The following SNTG1 variants were observed in gnomAD, a reference collection of about 807,000 sequenced individuals.
SNTG1 encodes syntrophin gamma 1.
Under a neutral mutation model 74.7 loss-of-function variants are expected in SNTG1, and 39 were observed. That is an observed-to-expected ratio of 0.52 (90% CI 0.40 to 0.68). The LOEUF is 0.68. Among genes scored for constraint, SNTG1 ranks in the 30% least tolerant of loss-of-function variants. SNTG1 has a pLI of 0.00. For synonymous variants in SNTG1, 254 were observed against 217.1 expected (o/e 1.17, Z -1.49); for missense variants, 685 against 609.5 (o/e 1.12, Z -1.30).
At chr8:50,437,288 A>G (rs1049540151) in intron 4 of SNTG1, among the ~76,000 whole-genome samples, 1 of 152,174 alleles carries the variant, frequency 6.6e-6, no homozygotes, top group Non-Finnish European at 1.5e-5. Context: ...TCAAAATTCA[A>G]AATAAATCAA....
intron 9 of SNTG1, among the ~76,000 whole-genome samples, chr8:50,526,661 AT>A (rs1156908299): frequency 1.6e-5 from 1 of 63,714 alleles, no homozygotes; most frequent in African/African-American, 7.9e-5. Context: ...ATATATATAT[AT>A]TTTTTTGAGA....
chr8:50,698,841 A>G (rs574997836), intron 15 of SNTG1, among the ~76,000 whole-genome samples: 1 of 152,020 alleles, frequency 6.6e-6, no homozygotes, highest in South Asian at 2.1e-4. Flanking sequence ...GAATTATATG[A>G]TTCTATAGTG....
chr8:50,094,563 C>T (rs1229111827), intron 1 of SNTG1, among the ~76,000 whole-genome samples: 1 of 151,866 alleles, frequency 6.6e-6, no homozygotes. Context: ...ATACATGTGG[C>T]CAATAAGCAT....
intron 2 of SNTG1, among the ~76,000 whole-genome samples, chr8:50,187,192 A>T (rs1045412081): frequency 4.6e-5 from 7 of 152,196 alleles, no homozygotes; most frequent in Non-Finnish European, 1.0e-4. Context: ...GAACCAAAAA[A>T]GAGATCATAT....
At chr8:50,074,549 A>G (rs1821654684) in intron 1 of SNTG1, among the ~76,000 whole-genome samples, 1 of 152,234 alleles carries the variant, frequency 6.6e-6, no homozygotes, top group African/African-American at 2.4e-5. Flanking sequence ...ACATTTATCA[A>G]TTAAGTTTGA....
At chr8:50,309,879 A>G (rs559331684) in intron 2 of SNTG1, among the ~76,000 whole-genome samples, 3 of 152,362 alleles carry the variant, frequency 2.0e-5, no homozygotes, top group African/African-American at 7.2e-5. Context: ...CGCAAACTCC[A>G]TTGGTCAGTG....
intron 1 of SNTG1, among the ~76,000 whole-genome samples, chr8:49,951,000 G>A (rs563207109): frequency 6.6e-6 from 1 of 152,250 alleles, no homozygotes; most frequent in Non-Finnish European, 1.5e-5. Context: ...TACCTAAAAC[G>A]TCTTTTGTTC....
chr8:50,454,557 G>C (rs2093485908), intron 8 of SNTG1, among the ~76,000 whole-genome samples: 1 of 149,466 alleles, frequency 6.7e-6, no homozygotes, highest in South Asian at 2.1e-4. Flanking sequence ...TGAGTGGCTG[G>C]GTGGCAGGGC....
intron 8 of SNTG1, among the ~76,000 whole-genome samples, chr8:50,469,544 C>A (rs959420473): frequency 6.6e-6 from 1 of 152,134 alleles, no homozygotes; most frequent in Non-Finnish European, 1.5e-5. Flanking sequence ...ACCCTCTAAC[C>A]CAGCATGTGC....
intron 2 of SNTG1, among the ~76,000 whole-genome samples, chr8:50,189,846 G>C (rs1305883800): frequency 6.6e-6 from 1 of 152,090 alleles, no homozygotes; most frequent in Admixed American, 6.6e-5. Context: ...ATTTTAACTT[G>C]ATTTCAGTAG....
At chr8:50,433,249 A>T (rs1039612312) in intron 4 of SNTG1, among the ~76,000 whole-genome samples, 1 of 151,976 alleles carries the variant, frequency 6.6e-6, no homozygotes, top group Non-Finnish European at 1.5e-5. Flanking sequence ...TTCTAGAAGA[A>T]TTTTTTTTCA....
At chr8:50,116,637 C>T (rs990848332) in intron 1 of SNTG1, among the ~76,000 whole-genome samples, 6 of 152,176 alleles carry the variant, frequency 3.9e-5, no homozygotes, top group Non-Finnish European at 2.9e-5. Flanking sequence ...TGCAGGCCTA[C>T]GTGAAGTTTT....
intron 1 of SNTG1, among the ~76,000 whole-genome samples, chr8:50,103,196 G>T (rs1432501574): frequency 6.6e-6 from 1 of 152,188 alleles, no homozygotes; most frequent in Non-Finnish European, 1.5e-5. Flanking sequence ...CCATGAGCAT[G>T]GAATGTTCTT....
At chr8:50,346,833 A>G (rs1202230500) in intron 2 of SNTG1, among the ~76,000 whole-genome samples, 1 of 152,248 alleles carries the variant, frequency 6.6e-6, no homozygotes, top group Non-Finnish European at 1.5e-5. Context: ...GCAAGGCCCT[A>G]ACTCTCTTCA....
chr8:50,410,879 T>C (rs2092939938), intron 4 of SNTG1, among the ~76,000 whole-genome samples: 3 of 152,208 alleles, frequency 2.0e-5, no homozygotes, highest in Admixed American at 1.3e-4. Flanking sequence ...CAACTGTGTA[T>C]ATATATGCTT....
chr8:50,174,086 T>C (rs1404067709), intron 2 of SNTG1, among the ~76,000 whole-genome samples: 1 of 152,144 alleles, frequency 6.6e-6, no homozygotes, highest in Admixed American at 6.5e-5. Flanking sequence ...GAACATGCGG[T>C]GTTTGGTTTT....
chr8:50,707,774 C>T lies in SNTG1; in HGVS notation c.1192-1112C>T, dbSNP rs534797742. The T allele has an allele frequency of 2.4e-3, 682 of 286,200 alleles. 3 individuals carry two copies. The highest frequency in any genetic ancestry group is 2.7e-3 in the Non-Finnish European group (419 of 155,654). 17.7% of individuals were successfully genotyped at this position (286,200 alleles called of 1,614,324 possible). A position where few individuals can be genotyped will look rare whatever the true frequency, so the allele number is the denominator to read the frequency against. ...TATTTTTCATGATTGGAATATCCCA[C>T]TACGATTTAAAATTAAATGCAAATA... is the stretch of plus-strand genomic sequence containing the variant. On this transcript the variant is annotated intron_variant, in intron 16 of 18. Transcript: ENST00000642720.
chr8:50,474,004 G>A (rs1476307177), intron 8 of SNTG1, among the ~76,000 whole-genome samples: 2 of 152,012 alleles, frequency 1.3e-5, no homozygotes, highest in East Asian at 3.9e-4. Flanking sequence ...CCACCACAGA[G>A]GTGCAACGGC....
At chr8:50,086,619 T>C (rs1178977420) in intron 1 of SNTG1, among the ~76,000 whole-genome samples, 1 of 151,998 alleles carries the variant, frequency 6.6e-6, no homozygotes, top group African/African-American at 2.4e-5. Flanking sequence ...ATGGGTTATG[T>C]TTGAAGGGCC....
Sources: allele counts gnomAD v4.1 joint callset (sites outside exome capture counted in the v4.1 genomes callset), GRCh38; gene constraint gnomAD v4.1.1; transcripts MANE v1.5; gene names NCBI Gene and HGNC (gene_info 2026-07-23, HGNC 2026-07-21).